The following DZIP3 variants were observed in gnomAD, a reference collection of about 807,000 sequenced individuals.
DZIP3 encodes E3 ubiquitin-protein ligase DZIP3.
A neutral mutation model predicts 162.0 loss-of-function variants in DZIP3; 118 were observed. That is an observed-to-expected ratio of 0.73 (90% CI 0.63 to 0.85). DZIP3 has a LOEUF of 0.85. Among genes scored for constraint, DZIP3 ranks in the 40% least tolerant of loss-of-function variants. DZIP3 has a pLI of 0.00. For missense variants in DZIP3, 1,331 were observed against 1,407.0 expected, an observed-to-expected ratio of 0.95 and a Z score of 0.86; for synonymous variants, 438 against 458.6, an observed-to-expected ratio of 0.96 and a Z score of 0.57.
At chr3:108,633,107 A>G in intron 9 of DZIP3, 35 bp downstream of exon 9, 2 of 1,183,938 alleles carry the variant, frequency 1.7e-6, no homozygotes, top group Non-Finnish European at 2.2e-6. Context: ...ATTTTTAAAA[A>G]GTAATTGAAA....
At chr3:108,673,025 A>G (rs1357109700) in intron 23 of DZIP3, among the ~76,000 whole-genome samples, 1 of 151,984 alleles carries the variant, frequency 6.6e-6, no homozygotes, top group Non-Finnish European at 1.5e-5. Context: ...TCCAATATAT[A>G]TCTTACAAAA....
rs978531102 is a variant in DZIP3 at position 108,662,328 on chromosome 3, G to A, written c.2423+71G>A. ...ACAGTATCTTTAATAGTTAATCTCT[G>A]CATAACCACTAGGTGGCACTGTGAC... is the stretch of plus-strand genomic sequence containing the variant. On this transcript the variant is annotated intron_variant, in intron 21 of 32. Coordinates refer to ENST00000361582, the MANE Select transcript of DZIP3 (RefSeq NM_014648.4). 5 of 1,491,740 alleles carry A rather than the reference G, an allele frequency of 3.4e-6. No homozygotes were observed. The African/African-American group carries it at 5.6e-5, about 17-fold the overall frequency. The allele number at this position is 1,491,740 out of a possible 1,614,324, so 92.4% of individuals were successfully genotyped here.
At chr3:108,632,405 A>T (rs2107600664) in intron 8 of DZIP3, among the ~76,000 whole-genome samples, 2 of 152,256 alleles carry the variant, frequency 1.3e-5, no homozygotes, top group African/African-American at 4.8e-5. Flanking sequence ...ACTTCTGGCC[A>T]TTTAATCAGT....
At position 108,605,210 on chromosome 3, in the gene DZIP3, A is replaced by C. The variant is rs898238029; in HGVS notation, c.-72-125A>C. ...GTAGTGATTATGTTTGGGTGGCGAA[A>C]CTATGATTCATTTTCTTCTTTTAGA... On this transcript the variant is annotated intron_variant, in intron 1 of 32. Coordinates refer to ENST00000361582, the MANE Select transcript of DZIP3 (RefSeq NM_014648.4). 4 of 686,706 alleles carry C rather than the reference A, an allele frequency of 5.8e-6. No individual in the cohort carries two copies. The African/African-American group carries it at 7.5e-5, about 13-fold the overall frequency. 42.5% of individuals were successfully genotyped at this position (686,706 alleles called of 1,614,324 possible). A position where few individuals can be genotyped will look rare whatever the true frequency, so the allele number is the denominator to read the frequency against.
intron 27 of DZIP3, 132 bp downstream of exon 27, chr3:108,684,473 A>C: frequency 1.7e-6 from 2 of 1,157,936 alleles, no homozygotes; most frequent in South Asian, 3.2e-5. Flanking sequence ...TAATTGAATG[A>C]ATACTTCCTG....
Position 108,688,579 on chromosome 3 carries a change from G to A in DZIP3, c.3271-14G>A. 2 of 1,609,172 alleles carry A rather than the reference G, an allele frequency of 1.2e-6. No homozygotes were observed. Among genetic ancestry groups the A allele is most frequent in the Non-Finnish European group, 1.7e-6 (2 of 1,178,038 alleles). On this transcript the variant is annotated splice_polypyrimidine_tract_variant and intron_variant, in intron 29 of 32. Coordinates refer to ENST00000361582, the MANE Select transcript of DZIP3 (RefSeq NM_014648.4). The stretch of plus-strand genomic sequence containing the variant: ...ATAATTCTGAAAAAATAAACATTAT[G>A]TTCTTATTTTCAGAGTCAAGGAAAA...
chr3:108,631,055 A>ACACACATACACTCTCTCTCTCTCT, intron 8 of DZIP3, among the ~76,000 whole-genome samples: 1 of 18,006 alleles, frequency 5.6e-5, no homozygotes, highest in African/African-American at 2.8e-4. Flanking sequence ...ACACACACAC[A>ACACACATACACTCTCTCTCTCTCT]CTCTCTCTCT....
At chr3:108,600,675 G>T (rs1939955961) in intron 1 of DZIP3, among the ~76,000 whole-genome samples, 1 of 152,282 alleles carries the variant, frequency 6.6e-6, no homozygotes, top group East Asian at 1.9e-4. Flanking sequence ...AAATGATGAT[G>T]ATTATGATTA....
At chr3:108,632,684 G>A (rs940269019) in intron 8 of DZIP3, among the ~76,000 whole-genome samples, 2 of 152,120 alleles carry the variant, frequency 1.3e-5, no homozygotes, top group Non-Finnish European at 2.9e-5. Context: ...ATAAAGAGAT[G>A]TGTGGCTTCA....
intron 23 of DZIP3, among the ~76,000 whole-genome samples, chr3:108,673,405 A>G (rs1471701979): frequency 6.6e-6 from 1 of 151,922 alleles, no homozygotes; most frequent in Non-Finnish European, 1.5e-5. Context: ...GCTCGTTTGT[A>G]TAGAGTGTTT....
chr3:108,606,687 T>G (rs573111089), intron 2 of DZIP3, among the ~76,000 whole-genome samples: 18 of 152,248 alleles, frequency 1.2e-4, no homozygotes, highest in South Asian at 4.1e-4. Flanking sequence ...GAAAAATTTT[T>G]GGGGTGTATT....
intron 21 of DZIP3, among the ~76,000 whole-genome samples, chr3:108,662,661 G>GC (rs1308483113): frequency 1.3e-5 from 2 of 152,134 alleles, no homozygotes; most frequent in Non-Finnish European, 2.9e-5. Flanking sequence ...TGTGTTCTAA[G>GC]CCTGCGAGAT....
chr3:108,675,963 G>T, intron 25 of DZIP3, 90 bp downstream of exon 25: 1 of 1,135,286 alleles, frequency 8.8e-7, no homozygotes, highest in Non-Finnish European at 1.2e-6. Context: ...ATTTAAGGAA[G>T]AACATATTTT....
chr3:108,617,551 G>A (rs1303086200), intron 5 of DZIP3, among the ~76,000 whole-genome samples: 2 of 152,056 alleles, frequency 1.3e-5, no homozygotes, highest in Non-Finnish European at 2.9e-5. Context: ...GAAATAAATA[G>A]GGTTATCTTC....
chr3:108,675,563 C>G (rs896436274), intron 24 of DZIP3, among the ~76,000 whole-genome samples: 1 of 151,978 alleles, frequency 6.6e-6, no homozygotes. Flanking sequence ...CTGGAAGCAT[C>G]AATTTTATTT....
chr3:108,612,365 G>A (rs1014093065), intron 4 of DZIP3, among the ~76,000 whole-genome samples: 8 of 152,026 alleles, frequency 5.3e-5, no homozygotes, highest in Non-Finnish European at 1.0e-4. Context: ...AACCTTAACC[G>A]AGATAATTTA....
chr3:108,662,008 G>A (rs1943461073), intron 20 of DZIP3, 36 bp downstream of exon 20: 1 of 1,599,322 alleles, frequency 6.3e-7, no homozygotes, highest in South Asian at 1.1e-5. Context: ...ATGGAAGTGA[G>A]AAGTATTTCA....
chr3:108,616,529 A>C lies in DZIP3; in HGVS notation c.259-12A>C. On this transcript the variant is annotated splice_polypyrimidine_tract_variant and intron_variant, in intron 4 of 32. Coordinates refer to ENST00000361582, the MANE Select transcript of DZIP3 (RefSeq NM_014648.4). Reference sequence around the variant, plus strand: ...GACTTATAGACATTTTTAACTGAATAATTTTCCACAGAGAGAAGTTGCAGC... The same window carrying C: ...GACTTATAGACATTTTTAACTGAATCATTTTCCACAGAGAGAAGTTGCAGC... 6.3e-7 allele frequency: 1 copy of C among 1,576,272 alleles called. No homozygotes were observed. Among genetic ancestry groups the C allele is most frequent in the Non-Finnish European group, 8.7e-7 (1 of 1,150,874 alleles).
At chr3:108,668,186 T>C (rs754532089) in intron 21 of DZIP3, among the ~76,000 whole-genome samples, 11 of 152,210 alleles carry the variant, frequency 7.2e-5, no homozygotes, top group Non-Finnish European at 1.3e-4. Context: ...AAGAAGATTT[T>C]ATGGAAGTGA....
Sources: allele counts gnomAD v4.1 joint callset (sites outside exome capture counted in the v4.1 genomes callset), GRCh38; gene constraint gnomAD v4.1.1; transcripts MANE v1.5; gene names NCBI Gene and HGNC (gene_info 2026-07-23, HGNC 2026-07-21).